Variants in DDX10 observed in about 807,000 individuals in gnomAD.
DDX10 encodes probable ATP-dependent RNA helicase DDX10.
A neutral mutation model predicts 104.3 loss-of-function variants in DDX10; 74 were observed. The observed-to-expected ratio is 0.71, with a 90% confidence interval of 0.59 to 0.86. The LOEUF is 0.86. Ranked by LOEUF, DDX10 falls within the 40% of genes least tolerant of loss-of-function variation. The pLI, the probability that DDX10 is intolerant of heterozygous loss-of-function variation, is 0.00. For synonymous variants in DDX10, 351 were observed against 353.4 expected (o/e 0.99, Z 0.08); for missense variants, 952 against 1,040.0 (o/e 0.92, Z 1.16).
chr11:108,882,189 A>G (rs1004927321), intron 16 of DDX10, among the ~76,000 whole-genome samples: 7 of 152,214 alleles, frequency 4.6e-5, no homozygotes, highest in Admixed American at 2.6e-4. Context: ...AAGTAACTTA[A>G]GAGTTCTCTG....
intron 13 of DDX10, among the ~76,000 whole-genome samples, chr11:108,778,681 A>T (rs567706041): frequency 1.3e-5 from 2 of 152,388 alleles, no homozygotes; most frequent in African/African-American, 4.8e-5. Context: ...AACAAATGCC[A>T]AAATTGACAA....
chr11:108,707,949 A>G (rs1388367725), intron 10 of DDX10, among the ~76,000 whole-genome samples: 1 of 152,216 alleles, frequency 6.6e-6, no homozygotes, highest in African/African-American at 2.4e-5. Context: ...TGCTATAAAC[A>G]TCCATGTGAA....
At chr11:108,925,205 C>T (rs1288688973) in intron 17 of DDX10, among the ~76,000 whole-genome samples, 2 of 152,144 alleles carry the variant, frequency 1.3e-5, no homozygotes, top group South Asian at 2.1e-4. Context: ...GGTTGCTACA[C>T]ATTGGGGAAG....
chr11:108,750,910 T>C lies in DDX10; in HGVS notation c.1965+27448T>C, dbSNP rs1040115218. 2.9e-5 allele frequency among the ~76,000 whole-genome samples: 4 copies of C among 136,826 alleles called. No homozygotes were observed. The Admixed American group carries it at 3.1e-4, about 10-fold the overall frequency. 89.8% of individuals were successfully genotyped at this position (136,826 alleles called of 152,430 possible). Reference sequence around the variant, plus strand: ...GTAGCTAGAACTAAATACATGTGCATCACCACACCTGGTTACTTTTTTTTT... The same window carrying C: ...GTAGCTAGAACTAAATACATGTGCACCACCACACCTGGTTACTTTTTTTTT... On this transcript the variant is annotated intron_variant, in intron 13 of 17. Transcript: ENST00000322536.
chr11:108,766,396 A>G (rs931284180), intron 13 of DDX10, among the ~76,000 whole-genome samples: 6 of 152,190 alleles, frequency 3.9e-5, no homozygotes, highest in African/African-American at 9.7e-5. Flanking sequence ...ACTTCACTCA[A>G]GTACATACCT....
chr11:108,775,648 A>C (rs2094368920), intron 13 of DDX10, among the ~76,000 whole-genome samples: 1 of 152,218 alleles, frequency 6.6e-6, no homozygotes, highest in Admixed American at 6.5e-5. Flanking sequence ...TATGATATTA[A>C]AAAATGTGAC....
chr11:108,685,486 C>A (rs1043708955), intron 6 of DDX10, among the ~76,000 whole-genome samples: 2 of 151,958 alleles, frequency 1.3e-5, no homozygotes, highest in African/African-American at 4.8e-5. Flanking sequence ...AGAAATCACC[C>A]GTCTTCTGCG....
intron 16 of DDX10, among the ~76,000 whole-genome samples, chr11:108,863,886 G>A (rs1297456596): frequency 6.6e-6 from 1 of 152,162 alleles, no homozygotes; most frequent in African/African-American, 2.4e-5. Flanking sequence ...TTGGGCTTCA[G>A]TTCATTCAGC....
At chr11:108,787,169 C>T (rs1176971644) in intron 13 of DDX10, among the ~76,000 whole-genome samples, 1 of 152,120 alleles carries the variant, frequency 6.6e-6, no homozygotes, top group African/African-American at 2.4e-5. Context: ...GAAAATAGAC[C>T]TCCAATCTCT....
In DDX10 at chr11:108,777,897, A is replaced by G. The variant is rs147016297; in HGVS notation, c.1965+54435A>G. Among the ~76,000 whole-genome samples, 876 of 152,328 alleles carry G rather than the reference A, an allele frequency of 5.8e-3. 4 individuals carry two copies. Among genetic ancestry groups the G allele is most frequent in the Non-Finnish European group, 9.5e-3 (647 of 68,030 alleles). ...AAATCACAAGCATTCCTATACACCA[A>G]TAACAGACAAACAGAGAGCCAAATC... On this transcript the variant is annotated intron_variant, in intron 13 of 17. Transcript: ENST00000322536.
intron 12 of DDX10, among the ~76,000 whole-genome samples, chr11:108,722,568 T>G (rs2094299585): frequency 6.6e-6 from 1 of 152,186 alleles, no homozygotes; most frequent in Admixed American, 6.5e-5. Flanking sequence ...TCTGGTTTAT[T>G]TAGTACTTAA....
intron 16 of DDX10, among the ~76,000 whole-genome samples, chr11:108,889,549 G>C (rs370471597): frequency 6.6e-6 from 1 of 151,778 alleles, no homozygotes; most frequent in South Asian, 2.1e-4. Flanking sequence ...TTTTATTAAG[G>C]AAACAAAATA....
intron 13 of DDX10, among the ~76,000 whole-genome samples, chr11:108,761,164 T>C (rs2094350380): frequency 6.6e-6 from 1 of 152,132 alleles, no homozygotes; most frequent in Non-Finnish European, 1.5e-5. Context: ...CTGCCTTTTC[T>C]TTTCCTAATG....
chr11:108,668,722 G>GA (rs1005905766), intron 1 of DDX10, among the ~76,000 whole-genome samples: 13 of 151,930 alleles, frequency 8.6e-5, no homozygotes, highest in South Asian at 4.2e-4. Flanking sequence ...AGTATATATG[G>GA]AAAAAAAATA....
intron 15 of DDX10, among the ~76,000 whole-genome samples, chr11:108,846,182 TC>T (rs1397361309): frequency 1.1e-4 from 16 of 152,232 alleles, no homozygotes; most frequent in African/African-American, 3.9e-4. Context: ...ATGAGATATG[TC>T]ATTACATGTA....
At chr11:108,771,496 C>T (rs2094363054) in intron 13 of DDX10, among the ~76,000 whole-genome samples, 1 of 152,132 alleles carries the variant, frequency 6.6e-6, no homozygotes, top group African/African-American at 2.4e-5. Context: ...AGGCGCCTGC[C>T]ACCACGTCCA....
intron 13 of DDX10, chr11:108,822,409 A>AT: frequency 2.5e-6 from 1 of 399,628 alleles, no homozygotes; most frequent in Non-Finnish European, 5.0e-6. Flanking sequence ...GGCAAAGATC[A>AT]TTTTTGTTCC....
chr11:108,796,039 T>G (rs1861936684), intron 13 of DDX10, among the ~76,000 whole-genome samples: 1 of 152,236 alleles, frequency 6.6e-6, no homozygotes. Context: ...ATTCAGCAGT[T>G]TATACCTTTC....
At chr11:108,849,881 A>G (rs1369120597) in intron 15 of DDX10, among the ~76,000 whole-genome samples, 2 of 152,070 alleles carry the variant, frequency 1.3e-5, no homozygotes, top group Non-Finnish European at 2.9e-5. Flanking sequence ...GTTTTGTCAT[A>G]TGTCATAAAC....
Sources: gnomAD v4.1 joint callset for allele counts (sites outside exome capture counted in the v4.1 genomes callset) on GRCh38, gnomAD v4.1.1 for gene constraint, MANE v1.5 for transcripts, NCBI Gene and HGNC (gene_info 2026-07-23, HGNC 2026-07-21) for gene names.